Variants in TANC2 observed in about 807,000 individuals in gnomAD.
TANC2 encodes the protein protein TANC2.
TANC2 carries 26 observed loss-of-function variants against 210.5 expected under a neutral mutation model. That is an observed-to-expected ratio of 0.12 (90% CI 0.09 to 0.17). The LOEUF (loss-of-function observed/expected upper bound fraction) is 0.17, where lower values mean the gene tolerates loss of function less well. Ranked by LOEUF, TANC2 falls within the 10% of genes least tolerant of loss-of-function variation. TANC2 has a pLI of 1.00. For missense variants in TANC2, 2,129 were observed against 2,608.9 expected, an observed-to-expected ratio of 0.82 and a Z score of 4.01; for synonymous variants, 931 against 967.1, an observed-to-expected ratio of 0.96 and a Z score of 0.69.
At chr17:63,211,135 C>T (rs2041872690) in intron 7 of TANC2, among the ~76,000 whole-genome samples, 1 of 152,090 alleles carries the variant, frequency 6.6e-6, no homozygotes, top group African/African-American at 2.4e-5. Flanking sequence ...TGTTGTTTTT[C>T]ACTCAGCAAC....
In TANC2 at chr17:63,297,018, A is replaced by C. The variant is rs533815412; in HGVS notation, c.1160-17370A>C. Among the ~76,000 whole-genome samples the C allele has an allele frequency of 7.9e-5, 12 of 152,298 alleles. No homozygotes were observed. The East Asian group carries it at 2.3e-3, about 29-fold the overall frequency. ...AAAAAAATCTACAAAAAGCAAACAAACAAACTTGAGCTAATAACATGAATT... is the reference window on the plus strand; with the variant it reads ...AAAAAAATCTACAAAAAGCAAACAACCAAACTTGAGCTAATAACATGAATT... On this transcript the variant is annotated intron_variant, in intron 9 of 27. Coordinates refer to ENST00000689528, the Ensembl canonical transcript of TANC2.
intron 15 of TANC2, among the ~76,000 whole-genome samples, 185 bp from the exon 16 acceptor site, chr17:63,388,450 C>G (rs1240125744): frequency 1.3e-5 from 2 of 152,164 alleles, no homozygotes; most frequent in African/African-American, 4.8e-5. Context: ...GAGACTGTTT[C>G]AGTTAGCTTG....
intron 4 of TANC2, among the ~76,000 whole-genome samples, chr17:63,109,289 G>A (rs2037943760): frequency 1.3e-5 from 2 of 151,620 alleles, no homozygotes; most frequent in Non-Finnish European, 2.9e-5. Flanking sequence ...TAAGATAATA[G>A]AGCAATCTTT....
intron 9 of TANC2, among the ~76,000 whole-genome samples, chr17:63,289,492 A>T (rs2044320992): frequency 6.6e-6 from 1 of 152,066 alleles, no homozygotes; most frequent in African/African-American, 2.4e-5. Context: ...AGTCCCATTA[A>T]AGGCATTCTT....
intron 12 of TANC2, among the ~76,000 whole-genome samples, chr17:63,346,906 A>G (rs748845150): frequency 6.6e-6 from 1 of 150,556 alleles, no homozygotes; most frequent in Non-Finnish European, 1.5e-5. Flanking sequence ...GGGTCTTGCC[A>G]TGTTGCCCAG....
intron 2 of TANC2, among the ~76,000 whole-genome samples, chr17:63,015,463 C>G (rs192782320): frequency 6.6e-6 from 1 of 151,976 alleles, no homozygotes; most frequent in Non-Finnish European, 1.5e-5. Flanking sequence ...GCTATCCCTC[C>G]CCCCGCTTCC....
intron 14 of TANC2, among the ~76,000 whole-genome samples, chr17:63,366,452 TC>T (rs773041626): frequency 4.1e-4 from 63 of 152,330 alleles, no homozygotes; most frequent in Non-Finnish European, 7.5e-4. Context: ...TGATCAATTT[TC>T]CTATGACTAC....
intron 2 of TANC2, among the ~76,000 whole-genome samples, chr17:63,011,676 CTCTT>C (rs2033878973): frequency 1.3e-5 from 2 of 152,164 alleles, no homozygotes; most frequent in South Asian, 4.1e-4. Flanking sequence ...TGAAATGCCT[CTCTT>C]TATTTCTAAT....
chr17:63,355,401 T>C lies in TANC2; in HGVS notation c.2582+11T>C, dbSNP rs547829442. 2.9e-5 allele frequency: 45 copies of C among 1,543,762 alleles called. No homozygotes were observed. The South Asian group carries it at 4.8e-4, about 16-fold the overall frequency. ...TCTCTGTGATCCGAGGTAAGACATA[T>C]ATCTGTGATAAACAATTCTGAGTCT... On this transcript the variant is annotated intron_variant, in intron 14 of 27. Transcript: ENST00000689528.
At position 63,118,387 on chromosome 17, in the gene TANC2, A is replaced by G. The variant is rs141791001; in HGVS notation, c.322+19030A>G. Among the ~76,000 whole-genome samples the G allele has an allele frequency of 3.9e-5, 6 of 152,296 alleles. No individual in the cohort carries two copies. The East Asian group carries it at 1.2e-3, about 29-fold the overall frequency. The stretch of plus-strand genomic sequence containing the variant: ...ATCATTTGGTAATTATCAACAAGAT[A>G]TATTGATTTTATATACTGACTTTTC... On this transcript the variant is annotated intron_variant, in intron 4 of 27. Transcript: ENST00000689528.
chr17:63,405,286 G>A (rs2048467208), intron 20 of TANC2, 31 bp downstream of exon 20: 4 of 1,523,822 alleles, frequency 2.6e-6, no homozygotes, highest in Admixed American at 1.9e-5. Flanking sequence ...CAGTCCCTCA[G>A]GCAGGACTGA....
intron 11 of TANC2, among the ~76,000 whole-genome samples, chr17:63,324,492 C>CACAT (rs1483087977): frequency 6.6e-6 from 1 of 152,132 alleles, no homozygotes; most frequent in Non-Finnish European, 1.5e-5. Context: ...CACACACACA[C>CACAT]ACATACATAC....
At chr17:63,085,679 G>A (rs2036935512) in intron 3 of TANC2, among the ~76,000 whole-genome samples, 1 of 151,874 alleles carries the variant, frequency 6.6e-6, no homozygotes, top group Non-Finnish European at 1.5e-5. Context: ...ACATGCACAT[G>A]TGTGTCTGTA....
chr17:63,141,431 G>A (rs1041821737), intron 4 of TANC2, among the ~76,000 whole-genome samples: 3 of 144,726 alleles, frequency 2.1e-5, no homozygotes, highest in African/African-American at 7.6e-5. Context: ...GCCCGGCATG[G>A]TGGTGCACAG....
intron 4 of TANC2, among the ~76,000 whole-genome samples, chr17:63,114,784 C>G (rs913473251): frequency 5.3e-5 from 8 of 152,140 alleles, no homozygotes; most frequent in African/African-American, 1.9e-4. Context: ...TTTAGCATGA[C>G]TTACCTAAAT....
intron 4 of TANC2, chr17:63,120,735 G>A (rs1166564431): frequency 6.7e-6 from 1 of 148,758 alleles, no homozygotes; most frequent in African/African-American, 2.5e-5. Flanking sequence ...AATCGCCTGA[G>A]GCTGGGAAGG....
chr17:62,989,424 G>A (rs967161512), intron 1 of TANC2, among the ~76,000 whole-genome samples: 15 of 152,138 alleles, frequency 9.9e-5, no homozygotes, highest in Admixed American at 7.9e-4. Context: ...TAAGTTTTTT[G>A]CTGTGTTAGT....
intron 8 of TANC2, among the ~76,000 whole-genome samples, chr17:63,261,474 G>A (rs757981257): frequency 6.6e-6 from 1 of 152,060 alleles, no homozygotes; most frequent in Non-Finnish European, 1.5e-5. Flanking sequence ...CTAATACAAG[G>A]GCTCCAAGAA....
At chr17:63,156,271 G>C (rs80202632) in intron 5 of TANC2, among the ~76,000 whole-genome samples, 3 of 151,974 alleles carry the variant, frequency 2.0e-5, no homozygotes, top group Non-Finnish European at 4.4e-5. Flanking sequence ...GATGAGCTTT[G>C]GGGGGAGTCT....
Sources: allele counts gnomAD v4.1 joint callset (sites outside exome capture counted in the v4.1 genomes callset), GRCh38; gene constraint gnomAD v4.1.1; transcripts MANE v1.5; gene names NCBI Gene and HGNC (gene_info 2026-07-23, HGNC 2026-07-21).